DNAAF10: variants seen among roughly 807,000 people sequenced by gnomAD.
DNAAF10 encodes the protein dynein axonemal assembly factor 10.
In DNAAF10, 28 loss-of-function variants were observed where a neutral mutation model predicts 43.7. The observed-to-expected ratio is 0.64, with a 90% CI of 0.48 to 0.88. The LOEUF is 0.88. DNAAF10 is among the 40% of genes least tolerant of loss of function. The pLI is 0.00. For missense variants in DNAAF10, 403 were observed against 439.1 expected, an observed-to-expected ratio of 0.92 and a Z score of 0.73; for synonymous variants, 156 against 157.3, an observed-to-expected ratio of 0.99 and a Z score of 0.06.
At chr2:68,140,259 C>A (rs1673146871) in intron 4 of DNAAF10, among the ~76,000 whole-genome samples, 1 of 152,116 alleles carries the variant, frequency 6.6e-6, no homozygotes, top group African/African-American at 2.4e-5. Flanking sequence ...CTCATAAACT[C>A]CAGCCCTGCA....
intron 6 of DNAAF10, among the ~76,000 whole-genome samples, chr2:68,135,529 G>C (rs535892013): frequency 3.5e-4 from 53 of 152,276 alleles, no homozygotes; most frequent in Non-Finnish European, 5.7e-4. Flanking sequence ...TAACTGGGGG[G>C]AACTTAGGAG....
At chr2:68,143,429 C>T (rs192477178) in intron 3 of DNAAF10, among the ~76,000 whole-genome samples, 265 of 152,230 alleles carry the variant, frequency 1.7e-3, no homozygotes, top group Admixed American at 6.3e-3. Context: ...GTTATCCGCC[C>T]GCCTCAGCCC....
rs142577997 is a variant in DNAAF10 at position 68,150,470 on chromosome 2, C to T, written c.184-2903G>A. 4.6e-3 allele frequency among the ~76,000 whole-genome samples: 708 copies of T among 152,308 alleles called. 3 individuals carry two copies. Among genetic ancestry groups the T allele is most frequent in the African/African-American group, 0.015 (613 of 41,564 alleles). ...AACTTGGACTGTGTGCAGTGGCTCA[C>T]GCCTATAATATCAGCACTTTGGGAG... On this transcript the variant is annotated intron_variant, in intron 1 of 7. Coordinates refer to ENST00000295121, the MANE Select transcript of DNAAF10 (RefSeq NM_138458.4).
At chr2:68,134,589 A>G (rs560743583) in intron 7 of DNAAF10, 113 bp downstream of exon 7, 159 of 1,536,070 alleles carry the variant, frequency 1.0e-4, no homozygotes, top group Middle Eastern at 1.8e-4. Flanking sequence ...ATTTTAAATC[A>G]TATCAAAATG....
In DNAAF10 at chr2:68,140,770, G is replaced by A. The variant is rs555483713; in HGVS notation, c.517+924C>T. On this transcript the variant is annotated intron_variant, in intron 4 of 7. Coordinates refer to ENST00000295121, the MANE Select transcript of DNAAF10 (RefSeq NM_138458.4). ...ATTCCTACTATTACTCTCTTCTACC[G>A]TTGGCCCTCCCTATCCATGGGTTCT... 9.7e-4 allele frequency among the ~76,000 whole-genome samples: 148 copies of A among 152,166 alleles called. 1 individual carries two copies. Among genetic ancestry groups the A allele is most frequent in the African/African-American group, 3.3e-3 (137 of 41,508 alleles).
At chr2:68,152,039 C>T (rs188099997) in intron 1 of DNAAF10, among the ~76,000 whole-genome samples, 3 of 152,300 alleles carry the variant, frequency 2.0e-5, no homozygotes, top group South Asian at 2.1e-4. Context: ...TTATTGGAGT[C>T]CTCATTCTGT....
At chr2:68,135,176 C>T (rs531783741) in intron 6 of DNAAF10, among the ~76,000 whole-genome samples, 12 of 151,906 alleles carry the variant, frequency 7.9e-5, no homozygotes, top group Non-Finnish European at 1.3e-4. Context: ...TTTATATATA[C>T]GAAAAATGTG....
intron 1 of DNAAF10, 26 bp from the exon 2 acceptor site, chr2:68,147,593 T>C (rs762686411): frequency 2.0e-6 from 3 of 1,517,612 alleles, no homozygotes; most frequent in East Asian, 4.7e-5. Flanking sequence ...GAAGAGAGGA[T>C]ATATTATTTA....
At chr2:68,156,437 T>C (rs776298084) in intron 1 of DNAAF10, among the ~76,000 whole-genome samples, 2 of 152,214 alleles carry the variant, frequency 1.3e-5, no homozygotes, top group Non-Finnish European at 2.9e-5. Context: ...ATCAACACTT[T>C]TTAAAAACTA....
In DNAAF10 at chr2:68,137,485, G is replaced by C. The variant is rs372140718; in HGVS notation, c.634-52C>G. On this transcript the variant is annotated intron_variant, in intron 5 of 7. Transcript: ENST00000295121. ...GTAGTCTCACCAGTATTACTCAGGA[G>C]GCTCTTTTATACTAAGTAAAACAGC... The C allele has an allele frequency of 5.4e-4, 824 of 1,526,720 alleles. 2 individuals carry two copies. Among genetic ancestry groups the C allele is most frequent in the Non-Finnish European group, 6.6e-4 (752 of 1,132,986 alleles). The allele number at this position is 1,526,720 out of a possible 1,614,324, so 94.6% of individuals were successfully genotyped here.
chr2:68,155,552 T>C (rs1237150079), intron 1 of DNAAF10, among the ~76,000 whole-genome samples: 24 of 151,786 alleles, frequency 1.6e-4, no homozygotes. Context: ...TACCTTTTCT[T>C]TTTAATGGTG....
At position 68,157,349 on chromosome 2, in the gene DNAAF10, T is replaced by C; in HGVS notation, c.95A>G (p.Lys32Arg). ...FDCKWVPCSA[K>R]FVTMGNFARG... ...TGCGAAGTTGCCCATGGTCACAAAT[T>C]TGGCGCTGCAGGGCACCCACTTACA... The change falls in exon 1 of 8, where the codon AAA (lysine) becomes AGA (arginine). Residue 32 changes from lysine to arginine, a missense_variant. Physicochemically the swap from Lys to Arg is conservative, Grantham distance 26. Transcript: ENST00000295121. The C allele has an allele frequency of 6.2e-7, 1 of 1,614,144 alleles. No homozygotes were observed. The highest frequency in any genetic ancestry group is 8.5e-7 in the Non-Finnish European group (1 of 1,180,018).
In DNAAF10 at chr2:68,139,003, T is replaced by C. The variant is rs555571406; in HGVS notation, c.518-146A>G. ...GGGTAGTATCCCATCTTACCAATCCTGAGAGGACATCAAGATTATTAATGT... is the reference window on the plus strand; with the variant it reads ...GGGTAGTATCCCATCTTACCAATCCCGAGAGGACATCAAGATTATTAATGT... On this transcript the variant is annotated intron_variant, in intron 4 of 7. Coordinates refer to ENST00000295121, the MANE Select transcript of DNAAF10 (RefSeq NM_138458.4). 3.1e-5 allele frequency: 19 copies of C among 608,120 alleles called. No individual in the cohort carries two copies. In the African/African-American group the frequency reaches 3.6e-4, roughly 11 times the overall value. The allele number at this position is 608,120 out of a possible 1,614,324, so 37.7% of individuals were successfully genotyped here.
rs769250317 is a variant in DNAAF10, at chr2:68,157,251, C to G, written c.183+10G>C. 1 of 1,609,284 alleles carries G rather than the reference C, an allele frequency of 6.2e-7. No individual in the cohort carries two copies. The highest frequency in any genetic ancestry group is 8.5e-7 in the Non-Finnish European group (1 of 1,177,500). On this transcript the variant is annotated intron_variant, in intron 1 of 7. Coordinates refer to ENST00000295121, the MANE Select transcript of DNAAF10 (RefSeq NM_138458.4). ...CCAACGGCAGTCCGGATCCTCGACC[C>G]GGCACCCACCTCCCGAAGCAGCTTC... is the stretch of plus-strand genomic sequence containing the variant.
chr2:68,142,732 G>A (rs1673218582), intron 3 of DNAAF10, among the ~76,000 whole-genome samples: 1 of 150,988 alleles, frequency 6.6e-6, no homozygotes, highest in Non-Finnish European at 1.5e-5. Context: ...GCAAATGCAT[G>A]TAATAAAATG....
chr2:68,147,425 T>G, intron 2 of DNAAF10, 42 bp downstream of exon 2: 1 of 1,403,540 alleles, frequency 7.1e-7, no homozygotes, highest in African/African-American at 1.4e-5. Context: ...ATCAAATAAA[T>G]TGCCTATCTC....
intron 7 of DNAAF10, chr2:68,134,406 TA>T: frequency 8.7e-7 from 1 of 1,144,398 alleles, no homozygotes. Flanking sequence ...GTGAGTGTTC[TA>T]ATCACTTCAA....
At chr2:68,147,613 A>T (rs1288818981) in intron 1 of DNAAF10, 46 bp from the exon 2 acceptor site, 6 of 1,399,456 alleles carry the variant, frequency 4.3e-6, no homozygotes, top group Non-Finnish European at 5.9e-6. Context: ...ATGTAAGCAG[A>T]TATTTATAAT....
chr2:68,155,447 T>C (rs573653559), intron 1 of DNAAF10, among the ~76,000 whole-genome samples: 1 of 149,502 alleles, frequency 6.7e-6, no homozygotes, highest in East Asian at 2.0e-4. Flanking sequence ...TTAGCCAAGA[T>C]CACGCCACTG....
Sources: gnomAD v4.1 joint callset for allele counts (sites outside exome capture counted in the v4.1 genomes callset) on GRCh38, gnomAD v4.1.1 for gene constraint, MANE v1.5 for transcripts, NCBI Gene and HGNC (gene_info 2026-07-23, HGNC 2026-07-21) for gene names.